The following XIRP2 variants were observed in gnomAD, a reference collection of about 807,000 sequenced individuals.
XIRP2 encodes xin actin-binding repeat-containing protein 2.
A neutral mutation model predicts 277.0 loss-of-function variants in XIRP2; 236 were observed. The ratio of observed to expected loss-of-function variants is 0.85; its 90% CI spans 0.77 to 0.95. The LOEUF is 0.95. Ranked by LOEUF, XIRP2 falls within the 40% of genes least tolerant of loss-of-function variation. The pLI is 0.00. For missense variants in XIRP2, 4,640 were observed against 4,157.5 expected, an observed-to-expected ratio of 1.12 and a Z score of -3.19; for synonymous variants, 1,490 against 1,416.5, an observed-to-expected ratio of 1.05 and a Z score of -1.17.
intron 5 of XIRP2, among the ~76,000 whole-genome samples, chr2:167,222,985 A>T (rs961432200): frequency 1.3e-5 from 2 of 152,304 alleles, no homozygotes; most frequent in Admixed American, 1.3e-4. Context: ...GTGCAGGGTC[A>T]CCACAATCTA....
At position 167,250,418 on chromosome 2, in the gene XIRP2, A is replaced by G. The variant is rs1695446583; in HGVS notation, c.9026A>G (p.Lys3009Arg). Reference protein sequence around the residue: ...IAMENNLEKVKEEITHIKTQA... With the variant: ...IAMENNLEKVREEITHIKTQA... The stretch of plus-strand genomic sequence containing the variant: ...ATGGAGAATAATTTAGAAAAAGTAA[A>G]AGAAGAAATAACACATATTAAAACT... The change falls in exon 9 of 11, where the codon AAA becomes AGA. Residue 3009 changes from lysine (K) to arginine (R), a missense_variant. Physicochemically the swap from Lys to Arg is conservative, Grantham distance 26. Transcript: ENST00000409195. 6 of 1,613,458 alleles carry G rather than the reference A, an allele frequency of 3.7e-6. No individual in the cohort carries two copies. Among genetic ancestry groups the G allele is most frequent in the Non-Finnish European group, 5.1e-6 (6 of 1,179,676 alleles).
intron 1 of XIRP2, among the ~76,000 whole-genome samples, chr2:166,898,719 G>A (rs906441578): frequency 1.3e-5 from 2 of 152,046 alleles, no homozygotes; most frequent in Non-Finnish European, 2.9e-5. Context: ...AGACACAGAA[G>A]TTTCCTACTA....
chr2:166,951,520 G>A (rs957242950), intron 2 of XIRP2, among the ~76,000 whole-genome samples: 1 of 151,570 alleles, frequency 6.6e-6, no homozygotes, highest in East Asian at 1.9e-4. Flanking sequence ...GTGGGCAACA[G>A]AGTGGAAAAA....
chr2:166,984,842 T>C (rs1316426632), intron 2 of XIRP2, among the ~76,000 whole-genome samples: 1 of 152,244 alleles, frequency 6.6e-6, no homozygotes, highest in African/African-American at 2.4e-5. Context: ...ATTAGGCAGA[T>C]GCCAGGGCAC....
chr2:167,061,551 T>C (rs1689174389), intron 2 of XIRP2, among the ~76,000 whole-genome samples: 1 of 152,130 alleles, frequency 6.6e-6, no homozygotes, highest in South Asian at 2.1e-4. Context: ...ATGTTTAAAT[T>C]CTAACCCCCA....
intron 1 of XIRP2, among the ~76,000 whole-genome samples, chr2:166,902,665 TA>T (rs1397758643): frequency 6.6e-6 from 1 of 151,894 alleles, no homozygotes; most frequent in Non-Finnish European, 1.5e-5. Context: ...TTCCTTATCG[TA>T]CCACAAAACT....
chr2:167,201,230 GAAAGAAAGAAAGAAAGAAAGAA>G (rs1314436756), intron 3 of XIRP2, among the ~76,000 whole-genome samples: 2 of 102,638 alleles, frequency 1.9e-5, no homozygotes, highest in African/African-American at 1.2e-4. Context: ...AAGAAAGAAA[GAAAGAAAGAAAGAAAGAAAGAA>G]AGAAAGAAAG....
chr2:167,112,506 T>G (rs1690784011), intron 2 of XIRP2, among the ~76,000 whole-genome samples: 1 of 149,624 alleles, frequency 6.7e-6, no homozygotes, highest in East Asian at 1.9e-4. Context: ...TATTTATTTT[T>G]CTTCCTCTGT....
At chr2:167,171,506 T>C (rs1456566616) in intron 3 of XIRP2, among the ~76,000 whole-genome samples, 1 of 152,178 alleles carries the variant, frequency 6.6e-6, no homozygotes, top group Non-Finnish European at 1.5e-5. Flanking sequence ...ATAATAATTA[T>C]TTTATGTTCA....
intron 2 of XIRP2, among the ~76,000 whole-genome samples, chr2:166,935,577 G>T (rs1197955793): frequency 2.0e-5 from 3 of 152,216 alleles, no homozygotes; most frequent in African/African-American, 7.2e-5. Flanking sequence ...CCCACTCCAT[G>T]ATAGGCCCTG....
At chr2:167,058,834 G>T (rs1403493656) in intron 2 of XIRP2, among the ~76,000 whole-genome samples, 1 of 152,180 alleles carries the variant, frequency 6.6e-6, no homozygotes, top group East Asian at 1.9e-4. Flanking sequence ...GGTGTGACTT[G>T]TGGGAATTTT....
intron 2 of XIRP2, among the ~76,000 whole-genome samples, chr2:166,908,798 G>A (rs1036372614): frequency 3.3e-5 from 5 of 152,148 alleles, no homozygotes; most frequent in Non-Finnish European, 5.9e-5. Flanking sequence ...TTCATATAAG[G>A]TGTAGGGAAG....
At chr2:167,176,310 G>C (rs1692846897) in intron 3 of XIRP2, among the ~76,000 whole-genome samples, 1 of 148,338 alleles carries the variant, frequency 6.7e-6, no homozygotes, top group African/African-American at 2.5e-5. Context: ...CCACCCTTCT[G>C]CTCGCCCTCC....
intron 2 of XIRP2, among the ~76,000 whole-genome samples, chr2:167,066,189 G>A (rs1689300009): frequency 6.6e-6 from 1 of 151,924 alleles, no homozygotes; most frequent in Admixed American, 6.6e-5. Flanking sequence ...AATTTAGTAT[G>A]TGGATTTTCT....
At chr2:167,170,602 T>C (rs924774375) in intron 3 of XIRP2, among the ~76,000 whole-genome samples, 2 of 152,160 alleles carry the variant, frequency 1.3e-5, no homozygotes, top group Admixed American at 6.5e-5. Context: ...AAATTGATTA[T>C]CAATGCTCTC....
At chr2:166,891,994 G>A (rs377586500) in intron 1 of XIRP2, among the ~76,000 whole-genome samples, 75 of 152,230 alleles carry the variant, frequency 4.9e-4, no homozygotes, top group African/African-American at 1.6e-3. Flanking sequence ...TCAGCTTGCC[G>A]ATGCTGATAT....
At chr2:167,159,889 A>G (rs1009164991) in intron 3 of XIRP2, among the ~76,000 whole-genome samples, 1 of 152,192 alleles carries the variant, frequency 6.6e-6, no homozygotes, top group Admixed American at 6.5e-5. Flanking sequence ...AAAAAAGGCT[A>G]TGTGCATTCA....
At chr2:166,908,732 G>T (rs1050666491) in intron 2 of XIRP2, among the ~76,000 whole-genome samples, 13 of 152,064 alleles carry the variant, frequency 8.5e-5, no homozygotes, top group African/African-American at 3.1e-4. Flanking sequence ...TTTCTTCTAG[G>T]GTTTTTATGG....
intron 2 of XIRP2, among the ~76,000 whole-genome samples, chr2:166,946,722 A>G (rs13034550): frequency 6.6e-6 from 1 of 152,172 alleles, no homozygotes; most frequent in East Asian, 1.9e-4. Context: ...TTAAAGAAAT[A>G]CAAATAAAAT....
Sources: allele counts gnomAD v4.1 joint callset (sites outside exome capture counted in the v4.1 genomes callset), GRCh38; gene constraint gnomAD v4.1.1; transcripts MANE v1.5; gene names NCBI Gene and HGNC (gene_info 2026-07-23, HGNC 2026-07-21).